The following HTR1F variants were observed in gnomAD, a reference collection of about 807,000 sequenced individuals.
HTR1F encodes 5-hydroxytryptamine receptor 1F.
A neutral mutation model predicts 24.0 loss-of-function variants in HTR1F; 17 were observed. That is an observed-to-expected ratio of 0.71 (90% CI 0.48 to 1.06). The LOEUF (loss-of-function observed/expected upper bound fraction) is 1.06, where lower values mean the gene tolerates loss of function less well. HTR1F is among the 50% of genes least tolerant of loss of function. The pLI, the probability that HTR1F is intolerant of heterozygous loss-of-function variation, is 0.00. For missense variants in HTR1F, 391 were observed against 427.8 expected (o/e 0.91, Z 0.76); for synonymous variants, 186 against 156.8 (o/e 1.19, Z -1.39).
At chr3:87,925,663 G>A (rs1038693673) in intron 2 of HTR1F, among the ~76,000 whole-genome samples, 4 of 152,130 alleles carry the variant, frequency 2.6e-5, no homozygotes, top group African/African-American at 9.7e-5. Context: ...CCCTGCATGG[G>A]TTTCTTCTTT....
rs1262585234 is a variant in HTR1F, at chr3:87,988,670, A to G, written c.-42-2038A>G. Among the ~76,000 whole-genome samples the G allele has an allele frequency of 2.0e-5, 3 of 151,980 alleles. No homozygotes were observed. The East Asian group carries it at 5.8e-4, about 29-fold the overall frequency. On this transcript the variant is annotated intron_variant, in intron 2 of 2. Coordinates refer to ENST00000319595, the MANE Select transcript of HTR1F (RefSeq NM_001322209.2). ...ACGATTTTGGCTCACTGCAACCTCCACTTCCCGAGTTCAAGCACCTCCGAA... is the reference window on the plus strand; with the variant it reads ...ACGATTTTGGCTCACTGCAACCTCCGCTTCCCGAGTTCAAGCACCTCCGAA...
chr3:87,880,644 GTT>G (rs1350678882), intron 2 of HTR1F, among the ~76,000 whole-genome samples: 14 of 134,076 alleles, frequency 1.0e-4, no homozygotes, highest in African/African-American at 4.1e-4. Context: ...GTGTGTGTTT[GTT>G]TGTGTGTGTG....
intron 2 of HTR1F, among the ~76,000 whole-genome samples, chr3:87,947,894 T>C (rs760175912): frequency 1.1e-4 from 16 of 152,172 alleles, no homozygotes; most frequent in African/African-American, 3.4e-4. Flanking sequence ...AATGTTGATA[T>C]GTCACTTTAA....
At chr3:87,849,317 A>G (rs938454438) in intron 2 of HTR1F, among the ~76,000 whole-genome samples, 1 of 151,732 alleles carries the variant, frequency 6.6e-6, no homozygotes, top group Non-Finnish European at 1.5e-5. Context: ...ATCTACAACT[A>G]TCTGATCTTT....
chr3:87,871,754 C>CA (rs1391289273), intron 2 of HTR1F, among the ~76,000 whole-genome samples: 1 of 151,996 alleles, frequency 6.6e-6, no homozygotes, highest in African/African-American at 2.4e-5. Flanking sequence ...AGGGAGCACC[C>CA]AAATATATGA....
chr3:87,892,126 A>G (rs1411682345), intron 2 of HTR1F, among the ~76,000 whole-genome samples: 1 of 152,164 alleles, frequency 6.6e-6, no homozygotes, highest in African/African-American at 2.4e-5. Flanking sequence ...TAGCTCTGTG[A>G]CTTCTGTTCT....
intron 2 of HTR1F, among the ~76,000 whole-genome samples, chr3:87,962,969 A>G (rs1440620535): frequency 4.0e-5 from 6 of 151,870 alleles, no homozygotes; most frequent in Admixed American, 2.0e-4. Flanking sequence ...TATTTTTTTT[A>G]CTTTCTTGAT....
At chr3:87,946,903 G>C (rs1408243553) in intron 2 of HTR1F, among the ~76,000 whole-genome samples, 1 of 152,086 alleles carries the variant, frequency 6.6e-6, no homozygotes, top group Non-Finnish European at 1.5e-5. Flanking sequence ...GGGATTACAG[G>C]CATGAGCCAC....
At chr3:87,985,025 T>A (rs1705631618) in intron 2 of HTR1F, among the ~76,000 whole-genome samples, 1 of 152,170 alleles carries the variant, frequency 6.6e-6, no homozygotes, top group South Asian at 2.1e-4. Context: ...AACATAATCT[T>A]TATTTTATAG....
At chr3:87,887,412 T>C (rs1343293808) in intron 2 of HTR1F, among the ~76,000 whole-genome samples, 2 of 152,186 alleles carry the variant, frequency 1.3e-5, no homozygotes, top group Admixed American at 1.3e-4. Context: ...GACATAGGCA[T>C]GGGCAAGGAC....
chr3:87,867,655 T>G (rs1705458292), intron 2 of HTR1F, among the ~76,000 whole-genome samples: 1 of 152,330 alleles, frequency 6.6e-6, no homozygotes, highest in African/African-American at 2.4e-5. Flanking sequence ...TGCTATTCAG[T>G]GAAAATCTGT....
At chr3:87,937,662 G>A (rs1375599187) in intron 2 of HTR1F, among the ~76,000 whole-genome samples, 1 of 152,052 alleles carries the variant, frequency 6.6e-6, no homozygotes, top group Non-Finnish European at 1.5e-5. Flanking sequence ...AGTGGCTCAC[G>A]CCTGTAATCC....
chr3:87,944,584 T>C (rs1187918522), intron 2 of HTR1F, among the ~76,000 whole-genome samples: 1 of 152,252 alleles, frequency 6.6e-6, no homozygotes, highest in Non-Finnish European at 1.5e-5. Context: ...AATCCCCTGT[T>C]AGGAAATCTG....
chr3:87,850,919 A>G (rs1296757875), intron 2 of HTR1F, among the ~76,000 whole-genome samples: 1 of 151,008 alleles, frequency 6.6e-6, no homozygotes, highest in Admixed American at 6.6e-5. Context: ...ACAGTTTTTT[A>G]TTTACCTAAA....
chr3:87,893,606 T>A (rs1181445242), intron 2 of HTR1F, among the ~76,000 whole-genome samples: 1 of 152,152 alleles, frequency 6.6e-6, no homozygotes, highest in Non-Finnish European at 1.5e-5. Context: ...GAAGAAGAAG[T>A]GTTTAAGCGC....
chr3:87,969,831 G>A (rs1023523209), intron 2 of HTR1F, among the ~76,000 whole-genome samples: 21 of 152,194 alleles, frequency 1.4e-4, no homozygotes, highest in African/African-American at 1.9e-4. Context: ...TATTTCCCAC[G>A]TGTTGTGGGA....
rs547605942 is a variant in HTR1F at position 87,840,813 on chromosome 3, G to A, written c.-43+18689G>A. On this transcript the variant is annotated intron_variant, in intron 2 of 2. Transcript: ENST00000319595. ...CTGAACCTAGAGGATATTATGTTAA[G>A]TTAAATTCACCAGGCACAGAGAGAC... Among the ~76,000 whole-genome samples, 3 of 152,050 alleles carry A rather than the reference G, an allele frequency of 2.0e-5. No homozygotes were observed. In the South Asian group the frequency reaches 6.2e-4, roughly 32 times the overall value.
At chr3:87,932,462 T>C (rs1164918097) in intron 2 of HTR1F, among the ~76,000 whole-genome samples, 2 of 152,188 alleles carry the variant, frequency 1.3e-5, no homozygotes, top group East Asian at 1.9e-4. Context: ...GTAGTATAGT[T>C]TGAAGACGGG....
At chr3:87,965,187 C>T (rs979283707) in intron 2 of HTR1F, among the ~76,000 whole-genome samples, 1 of 152,152 alleles carries the variant, frequency 6.6e-6, no homozygotes, top group Non-Finnish European at 1.5e-5. Context: ...ACCTCTTTTT[C>T]TTAAGCTGAT....
Sources: gnomAD v4.1 joint callset for allele counts (sites outside exome capture counted in the v4.1 genomes callset) on GRCh38, gnomAD v4.1.1 for gene constraint, MANE v1.5 for transcripts, NCBI Gene and HGNC (gene_info 2026-07-23, HGNC 2026-07-21) for gene names.